Variants in CREB5 observed in about 807,000 individuals in gnomAD.
The protein encoded by CREB5 is cyclic AMP-responsive element-binding protein 5.
Under a neutral mutation model 57.1 loss-of-function variants are expected in CREB5, and 19 were observed. The ratio of observed to expected loss-of-function variants is 0.33; its 90% CI spans 0.23 to 0.49. The LOEUF is 0.49. Among genes scored for constraint, CREB5 ranks in the 20% least tolerant of loss-of-function variants. CREB5 has a pLI of 0.99. For missense variants in CREB5, 579 were observed against 671.6 expected (o/e 0.86, Z 1.52); for synonymous variants, 238 against 238.3 (o/e 1.00, Z 0.01).
chr7:28,346,728 G>A (rs1379867319), intron 1 of CREB5, among the ~76,000 whole-genome samples: 1 of 152,172 alleles, frequency 6.6e-6, no homozygotes, highest in Non-Finnish European at 1.5e-5. Flanking sequence ...AATTCTTAAA[G>A]GTGGTTAAGA....
intron 1 of CREB5, among the ~76,000 whole-genome samples, chr7:28,442,713 C>A (rs915846452): frequency 1.3e-5 from 2 of 152,026 alleles, no homozygotes; most frequent in African/African-American, 2.4e-5. Context: ...TGAGTTTTAA[C>A]CACTAAGTTG....
At chr7:28,388,449 C>T (rs1039469182) in intron 1 of CREB5, among the ~76,000 whole-genome samples, 1 of 152,156 alleles carries the variant, frequency 6.6e-6, no homozygotes, top group African/African-American at 2.4e-5. Flanking sequence ...TCAAGATTGG[C>T]AGATGCCTAC....
intron 7 of CREB5, among the ~76,000 whole-genome samples, chr7:28,797,357 A>T (rs1431303123): frequency 1.3e-5 from 2 of 151,920 alleles, no homozygotes; most frequent in South Asian, 2.1e-4. Context: ...TTCTAATACA[A>T]CTCCTTTGTG....
At chr7:28,451,020 T>C (rs1378984766) in intron 1 of CREB5, among the ~76,000 whole-genome samples, 1 of 152,164 alleles carries the variant, frequency 6.6e-6, no homozygotes, top group African/African-American at 2.4e-5. Flanking sequence ...GGGCAAAACA[T>C]ATTACTGATT....
intron 5 of CREB5, among the ~76,000 whole-genome samples, chr7:28,629,011 C>G (rs1302384197): frequency 6.6e-6 from 1 of 152,160 alleles, no homozygotes; most frequent in Non-Finnish European, 1.5e-5. Context: ...GATTAAGATC[C>G]CAGACTTCTA....
At chr7:28,508,740 A>G (rs943174146) in intron 4 of CREB5, among the ~76,000 whole-genome samples, 2 of 152,164 alleles carry the variant, frequency 1.3e-5, no homozygotes, top group African/African-American at 4.8e-5. Context: ...TGATGCTTAC[A>G]AGAGGGGTAC....
chr7:28,655,735 AT>A (rs1799309473), intron 5 of CREB5, among the ~76,000 whole-genome samples: 1 of 152,246 alleles, frequency 6.6e-6, no homozygotes, highest in Non-Finnish European at 1.5e-5. Context: ...TATCACAAAA[AT>A]AAAAGGTTTC....
intron 1 of CREB5, among the ~76,000 whole-genome samples, chr7:28,354,393 A>G (rs1459777214): frequency 6.6e-6 from 1 of 152,146 alleles, no homozygotes; most frequent in Middle Eastern, 3.2e-3. Flanking sequence ...CTCCCAGCCT[A>G]TGTCTTTCTC....
Position 28,605,234 on chromosome 7 carries a change from G to C in CREB5, c.464+34697G>C, listed in dbSNP as rs1797085677. On this transcript the variant is annotated intron_variant, in intron 5 of 10. Coordinates refer to ENST00000357727, the MANE Select transcript of CREB5 (RefSeq NM_182898.4). ...AAAGTATTCATATTTGGTGGACGTG[G>C]TGGTAGGTAAACTACTAATTTGTAA... Among the ~76,000 whole-genome samples, 4 of 152,198 alleles carry C rather than the reference G, an allele frequency of 2.6e-5. No homozygotes were observed. In the South Asian group the frequency reaches 8.3e-4, roughly 32 times the overall value.
chr7:28,819,008 C>A, intron 10 of CREB5, 108 bp from the exon 11 acceptor site: 1 of 1,262,288 alleles, frequency 7.9e-7, no homozygotes, highest in Non-Finnish European at 1.1e-6. Context: ...ACTTCTATTT[C>A]AAGTAAATAT....
intron 1 of CREB5, among the ~76,000 whole-genome samples, chr7:28,485,068 G>A (rs555534369): frequency 2.0e-5 from 3 of 152,280 alleles, no homozygotes; most frequent in South Asian, 2.1e-4. Context: ...TGAATTTCTG[G>A]GGAATGTCAG....
At chr7:28,553,389 T>G (rs552010876) in intron 4 of CREB5, among the ~76,000 whole-genome samples, 3 of 152,356 alleles carry the variant, frequency 2.0e-5, no homozygotes, top group African/African-American at 7.2e-5. Flanking sequence ...GCATGTAATC[T>G]TTCATTAGCC....
intron 5 of CREB5, among the ~76,000 whole-genome samples, chr7:28,628,769 C>T (rs1798096380): frequency 6.6e-6 from 1 of 152,098 alleles, no homozygotes; most frequent in Admixed American, 6.5e-5. Context: ...TAGACATTTC[C>T]TCTGCTGTGA....
chr7:28,466,716 G>A (rs966255379), intron 1 of CREB5, among the ~76,000 whole-genome samples: 3 of 152,102 alleles, frequency 2.0e-5, no homozygotes, highest in Non-Finnish European at 4.4e-5. Context: ...CCGGAAGGGC[G>A]CTTAGACGAC....
chr7:28,336,560 A>T, intron 1 of CREB5, among the ~76,000 whole-genome samples: 1 of 151,460 alleles, frequency 6.6e-6, no homozygotes, highest in South Asian at 2.1e-4. Flanking sequence ...TTCATGTCTG[A>T]TTTTGTTTAT....
chr7:28,397,497 A>C (rs42699), intron 1 of CREB5, among the ~76,000 whole-genome samples: 33,288 of 152,112 alleles, frequency 0.22, 4,095 homozygotes, highest in Non-Finnish European at 0.28. Flanking sequence ...GAGAATTTGC[A>C]TCTAGGAGAC....
intron 1 of CREB5, among the ~76,000 whole-genome samples, chr7:28,464,839 C>T (rs1242121842): frequency 2.6e-5 from 4 of 151,876 alleles, no homozygotes; most frequent in Non-Finnish European, 5.9e-5. Context: ...AAGTGTTTAC[C>T]GTATACTGGA....
chr7:28,440,461 T>G (rs540666613), intron 1 of CREB5, among the ~76,000 whole-genome samples: 44 of 152,322 alleles, frequency 2.9e-4, no homozygotes, highest in African/African-American at 9.4e-4. Context: ...TGGAAGCCAC[T>G]GCAGTGGTAC....
chr7:28,455,682 A>G (rs2128571384), intron 1 of CREB5, among the ~76,000 whole-genome samples: 1 of 151,624 alleles, frequency 6.6e-6, no homozygotes, highest in East Asian at 2.0e-4. Context: ...TCATGGAGGA[A>G]TGCGGGGTTA....
Sources: gnomAD v4.1 joint callset for allele counts (sites outside exome capture counted in the v4.1 genomes callset) on GRCh38, gnomAD v4.1.1 for gene constraint, MANE v1.5 for transcripts, NCBI Gene and HGNC (gene_info 2026-07-23, HGNC 2026-07-21) for gene names.